Variants in PLEKHA7 observed in about 807,000 individuals in gnomAD.
The protein encoded by PLEKHA7 is pleckstrin homology domain-containing family A member 7.
In PLEKHA7, 104 loss-of-function variants were observed where a neutral mutation model predicts 170.0. That is an observed-to-expected ratio of 0.61 (90% CI 0.52 to 0.72). PLEKHA7 has a LOEUF of 0.72. PLEKHA7 is among the 30% of genes least tolerant of loss of function. The pLI is 0.00. For synonymous variants in PLEKHA7, 648 were observed against 660.8 expected (o/e 0.98, Z 0.30); for missense variants, 1,615 against 1,671.7 (o/e 0.97, Z 0.59).
At chr11:16,837,558 C>T (rs1590281446) in intron 9 of PLEKHA7, among the ~76,000 whole-genome samples, 2 of 152,008 alleles carry the variant, frequency 1.3e-5, no homozygotes, top group South Asian at 4.2e-4. Context: ...GAAGGCGGGG[C>T]ACAAATCCAT....
rs147445187 is a variant in PLEKHA7 at position 16,856,737 on chromosome 11, G to A, written c.306-823C>T. 8.9e-3 allele frequency among the ~76,000 whole-genome samples: 1,360 copies of A among 152,260 alleles called. 25 individuals are homozygous for A. Among genetic ancestry groups the A allele is most frequent in the African/African-American group, 0.03 (1,257 of 41,546 alleles). On this transcript the variant is annotated intron_variant, in intron 4 of 26. Coordinates refer to ENST00000531066, the MANE Select transcript of PLEKHA7 (RefSeq NM_001329630.2). ...GCATTTGCCAGTCTTTCAAGGCAGC[G>A]GTGACAAATCCCTCCACACAAATCC... is the stretch of plus-strand genomic sequence containing the variant.
chr11:16,805,283 T>C (rs1187294450), intron 13 of PLEKHA7, among the ~76,000 whole-genome samples: 1 of 152,178 alleles, frequency 6.6e-6, no homozygotes, highest in East Asian at 1.9e-4. Flanking sequence ...TCCAGCACCA[T>C]CAGGAAAAGA....
intron 9 of PLEKHA7, among the ~76,000 whole-genome samples, chr11:16,838,896 C>G (rs1318962674): frequency 1.3e-5 from 2 of 152,002 alleles, no homozygotes; most frequent in Admixed American, 1.3e-4. Context: ...CCGTGTTAGC[C>G]AGGATGGTCT....
intron 3 of PLEKHA7, among the ~76,000 whole-genome samples, chr11:16,882,860 TCACACACACACATACA>T (rs1183376645): frequency 1.4e-4 from 21 of 151,830 alleles, no homozygotes; most frequent in East Asian, 5.8e-4. Context: ...ATACACATAT[TCACACACACACATACA>T]CACACACACA....
In PLEKHA7 at chr11:16,946,087, C is replaced by T. The variant is rs143060414; in HGVS notation, c.221+67902G>A. The stretch of plus-strand genomic sequence containing the variant: ...AGTGGGAAGCCACTCACTTTCCCAA[C>T]CTCTCCTCATGGGGGCAGCAGGAGC... On this transcript the variant is annotated intron_variant, in intron 3 of 26. Coordinates refer to ENST00000531066, the MANE Select transcript of PLEKHA7 (RefSeq NM_001329630.2). 4.5e-3 allele frequency among the ~76,000 whole-genome samples: 693 copies of T among 152,350 alleles called. 5 individuals carry two copies. Among genetic ancestry groups the T allele is most frequent in the African/African-American group, 0.015 (609 of 41,572 alleles).
At chr11:16,845,533 A>C (rs1252756690) in intron 8 of PLEKHA7, among the ~76,000 whole-genome samples, 1 of 151,936 alleles carries the variant, frequency 6.6e-6, no homozygotes, top group African/African-American at 2.4e-5. Flanking sequence ...TGCCCAACTA[A>C]TTTTTGTATT....
intron 9 of PLEKHA7, among the ~76,000 whole-genome samples, chr11:16,838,698 T>C (rs866155823): frequency 1.5e-3 from 220 of 144,042 alleles, no homozygotes; most frequent in African/African-American, 4.8e-3. Context: ...GTTTTCTTTT[T>C]TTTTTTTTTT....
intron 3 of PLEKHA7, among the ~76,000 whole-genome samples, chr11:16,996,323 CTG>C (rs1864335758): frequency 6.6e-6 from 1 of 152,210 alleles, no homozygotes; most frequent in South Asian, 2.1e-4. Flanking sequence ...AACAGCTGAA[CTG>C]TGAGGGAGGC....
intron 3 of PLEKHA7, among the ~76,000 whole-genome samples, chr11:16,956,288 A>C (rs1406328613): frequency 6.6e-6 from 1 of 152,154 alleles, no homozygotes; most frequent in Non-Finnish European, 1.5e-5. Context: ...GGATTAGCTG[A>C]GACTCTAGGC....
At chr11:16,805,456 CTCTTTT>C (rs1223165053) in intron 13 of PLEKHA7, among the ~76,000 whole-genome samples, 1 of 152,016 alleles carries the variant, frequency 6.6e-6, no homozygotes. Context: ...TTAGTACTAC[CTCTTTT>C]TCTAAGAAGT....
At chr11:16,931,787 A>G (rs1261193652) in intron 3 of PLEKHA7, among the ~76,000 whole-genome samples, 3 of 147,566 alleles carry the variant, frequency 2.0e-5, no homozygotes, top group Non-Finnish European at 4.5e-5. Context: ...AAAGGGAAGA[A>G]GAAGAAGCTG....
At chr11:16,783,547 T>C (rs1849194700) in intron 25 of PLEKHA7, among the ~76,000 whole-genome samples, 153 bp downstream of exon 25, 1 of 152,224 alleles carries the variant, frequency 6.6e-6, no homozygotes, top group Admixed American at 6.5e-5. Flanking sequence ...CTGCTGGCGA[T>C]GTACCAGCCT....
chr11:17,002,806 T>C (rs995056846), intron 3 of PLEKHA7, among the ~76,000 whole-genome samples: 1 of 151,972 alleles, frequency 6.6e-6, no homozygotes, highest in African/African-American at 2.4e-5. Flanking sequence ...AGTAAAGAGG[T>C]AAACCAGGGG....
At chr11:16,963,402 C>A (rs1400160143) in intron 3 of PLEKHA7, among the ~76,000 whole-genome samples, 1 of 151,920 alleles carries the variant, frequency 6.6e-6, no homozygotes, top group Non-Finnish European at 1.5e-5. Flanking sequence ...GGATTCTAAG[C>A]CCTAAATTTA....
At chr11:16,964,189 T>C (rs1336870873) in intron 3 of PLEKHA7, among the ~76,000 whole-genome samples, 1 of 152,242 alleles carries the variant, frequency 6.6e-6, no homozygotes, top group Admixed American at 6.5e-5. Flanking sequence ...TATATGTATA[T>C]ATCACATTTT....
intron 13 of PLEKHA7, among the ~76,000 whole-genome samples, chr11:16,809,466 C>T (rs915998395): frequency 1.2e-4 from 18 of 152,306 alleles, no homozygotes; most frequent in Admixed American, 9.8e-4. Flanking sequence ...CTTACCTCAC[C>T]CCCCTCCAAG....
intron 3 of PLEKHA7, among the ~76,000 whole-genome samples, chr11:16,952,367 T>C (rs2136513099): frequency 6.6e-6 from 1 of 152,258 alleles, no homozygotes; most frequent in African/African-American, 2.4e-5. Flanking sequence ...TTAAGCTCCT[T>C]TCTGCTAAGG....
intron 3 of PLEKHA7, among the ~76,000 whole-genome samples, chr11:17,000,890 C>G (rs954355163): frequency 6.6e-6 from 1 of 152,104 alleles, no homozygotes; most frequent in African/African-American, 2.4e-5. Context: ...ATTCAGGGAG[C>G]CCTCTAGGGC....
At chr11:17,007,273 C>T (rs7947897) in intron 3 of PLEKHA7, among the ~76,000 whole-genome samples, 84,331 of 151,980 alleles carry the variant, frequency 0.55, 23,886 homozygotes, top group East Asian at 0.81. Context: ...AAAATTTATG[C>T]TAATAATTTA....
Sources: gnomAD v4.1 joint callset for allele counts (sites outside exome capture counted in the v4.1 genomes callset) on GRCh38, gnomAD v4.1.1 for gene constraint, MANE v1.5 for transcripts, NCBI Gene and HGNC (gene_info 2026-07-23, HGNC 2026-07-21) for gene names.